SORCS3: variants seen among roughly 807,000 people sequenced by gnomAD.
SORCS3 encodes the protein VPS10 domain-containing receptor SorCS3.
SORCS3 carries 57 observed loss-of-function variants against 146.3 expected under a neutral mutation model. The observed-to-expected ratio is 0.39, with a 90% CI of 0.31 to 0.49. SORCS3 has a LOEUF of 0.49. SORCS3 is among the 20% of genes least tolerant of loss of function. The pLI is 0.92. For missense variants in SORCS3, 1,341 were observed against 1,575.5 expected, an observed-to-expected ratio of 0.85 and a Z score of 2.52; for synonymous variants, 653 against 618.5, an observed-to-expected ratio of 1.06 and a Z score of -0.83.
chr10:104,719,431 T>G (rs2133443800), intron 1 of SORCS3, among the ~76,000 whole-genome samples: 1 of 152,356 alleles, frequency 6.6e-6, no homozygotes, highest in South Asian at 2.1e-4. Context: ...GTCTTTTTAC[T>G]TCCGTATTCC....
chr10:104,830,853 C>T (rs2017992873), intron 1 of SORCS3, among the ~76,000 whole-genome samples: 1 of 152,102 alleles, frequency 6.6e-6, no homozygotes, highest in Non-Finnish European at 1.5e-5. Context: ...TCTCTGTCAC[C>T]CAGGCTGGAG....
chr10:104,684,825 T>A, intron 1 of SORCS3, among the ~76,000 whole-genome samples: 1 of 56,638 alleles, frequency 1.8e-5, no homozygotes, highest in East Asian at 6.5e-4. Flanking sequence ...TTTTTTTTTT[T>A]TTTTTTTTAT....
intron 4 of SORCS3, among the ~76,000 whole-genome samples, chr10:104,986,457 G>T (rs539957120): frequency 1.3e-5 from 2 of 152,238 alleles, no homozygotes; most frequent in South Asian, 4.2e-4. Context: ...CTTATCATTT[G>T]TGTGTTCACT....
At chr10:105,108,473 A>G (rs2055837658) in intron 7 of SORCS3, among the ~76,000 whole-genome samples, 1 of 152,202 alleles carries the variant, frequency 6.6e-6, no homozygotes, top group Non-Finnish European at 1.5e-5. Flanking sequence ...ACTAAGAAAT[A>G]AGTATTGATA....
At chr10:104,945,773 C>T in intron 3 of SORCS3, among the ~76,000 whole-genome samples, 1 of 148,986 alleles carries the variant, frequency 6.7e-6, no homozygotes, top group Non-Finnish European at 1.5e-5. Context: ...CATGCACACA[C>T]ATACACAATA....
chr10:104,651,812 A>G (rs2015564375), intron 1 of SORCS3, among the ~76,000 whole-genome samples: 2 of 152,150 alleles, frequency 1.3e-5, no homozygotes, highest in Non-Finnish European at 2.9e-5. Flanking sequence ...TCCAACCACC[A>G]GCACCAGGGA....
At chr10:104,880,874 G>A (rs1445902190) in intron 2 of SORCS3, among the ~76,000 whole-genome samples, 2 of 152,140 alleles carry the variant, frequency 1.3e-5, no homozygotes, top group African/African-American at 4.8e-5. Context: ...CACAACATGA[G>A]TCACAATGGG....
chr10:105,117,671 ACAAT>A (rs1031844765), intron 7 of SORCS3, among the ~76,000 whole-genome samples: 11 of 152,306 alleles, frequency 7.2e-5, no homozygotes, highest in African/African-American at 2.6e-4. Flanking sequence ...TGTTTCATTC[ACAAT>A]CAAATTTTTT....
chr10:104,817,640 C>T (rs577551916), intron 1 of SORCS3, among the ~76,000 whole-genome samples: 7 of 55,596 alleles, frequency 1.3e-4, no homozygotes, highest in South Asian at 1.0e-3. Context: ...TTCTCCCCTC[C>T]ACCTCCTCCT....
At chr10:104,781,951 A>G (rs4144552) in intron 1 of SORCS3, among the ~76,000 whole-genome samples, 38,549 of 152,206 alleles carry the variant, frequency 0.25, 5,531 homozygotes, top group East Asian at 0.65. Flanking sequence ...AGATGGAGTT[A>G]CGGAGCTTTA....
At chr10:105,096,779 A>G (rs2055749694) in intron 6 of SORCS3, among the ~76,000 whole-genome samples, 1 of 152,158 alleles carries the variant, frequency 6.6e-6, no homozygotes, top group Non-Finnish European at 1.5e-5. Context: ...GTGGTTATTG[A>G]GTCCTTGAAA....
intron 2 of SORCS3, among the ~76,000 whole-genome samples, chr10:104,900,581 C>G (rs1195481254): frequency 6.6e-6 from 1 of 152,122 alleles, no homozygotes; most frequent in African/African-American, 2.4e-5. Flanking sequence ...AACTTATCCC[C>G]TCTTATGCCC....
intron 7 of SORCS3, among the ~76,000 whole-genome samples, chr10:105,130,701 G>A (rs909417962): frequency 2.0e-5 from 3 of 152,106 alleles, no homozygotes; most frequent in African/African-American, 7.2e-5. Context: ...AAGATTTTAT[G>A]TGCAAATCTG....
At chr10:104,900,591 C>T (rs1043365859) in intron 2 of SORCS3, among the ~76,000 whole-genome samples, 5 of 152,010 alleles carry the variant, frequency 3.3e-5, no homozygotes, top group Admixed American at 6.6e-5. Flanking sequence ...CTCTTATGCC[C>T]GTGTAAGAAC....
intron 1 of SORCS3, among the ~76,000 whole-genome samples, chr10:104,745,144 C>G (rs754068699): frequency 6.6e-6 from 1 of 152,084 alleles, no homozygotes; most frequent in Non-Finnish European, 1.5e-5. Context: ...TGGGTCTTTG[C>G]GAGTTTGAAG....
rs762855151 is a variant in SORCS3, at chr10:105,127,114, G to T, written c.1213-12283G>T. On this transcript the variant is annotated intron_variant, in intron 7 of 26. Transcript: ENST00000369701. ...AATGAGATTTTTAAACATGATTAACGTTCAAGGAATGATCTAAATTTGGCC... is the reference window on the plus strand; with the variant it reads ...AATGAGATTTTTAAACATGATTAACTTTCAAGGAATGATCTAAATTTGGCC... Among the ~76,000 whole-genome samples the T allele has an allele frequency of 2.6e-5, 4 of 152,050 alleles. No individual in the cohort carries two copies. In the East Asian group the frequency reaches 7.7e-4, roughly 29 times the overall value.
chr10:104,737,010 A>G (rs575256808), intron 1 of SORCS3, among the ~76,000 whole-genome samples: 2 of 151,258 alleles, frequency 1.3e-5, no homozygotes, highest in South Asian at 4.2e-4. Flanking sequence ...ATTCCCATCT[A>G]TGACTGAGAA....
rs187073188 is a variant in SORCS3, at chr10:104,947,794, T to C, written c.796-29541T>C. 4.6e-5 allele frequency among the ~76,000 whole-genome samples: 7 copies of C among 152,178 alleles called. No individual in the cohort carries two copies. In the East Asian group the frequency reaches 1.4e-3, roughly 29 times the overall value. The stretch of plus-strand genomic sequence containing the variant: ...CGTGGCACCATGCCTGGCTAATTTT[T>C]GTATTTTTAGTAGAGTCAGGGTTTC... On this transcript the variant is annotated intron_variant, in intron 3 of 26. Coordinates refer to ENST00000369701, the MANE Select transcript of SORCS3 (RefSeq NM_014978.3).
At chr10:104,661,216 A>G (rs1318392474) in intron 1 of SORCS3, among the ~76,000 whole-genome samples, 1 of 151,870 alleles carries the variant, frequency 6.6e-6, no homozygotes, top group East Asian at 1.9e-4. Flanking sequence ...GTCTCTAACC[A>G]TTTTCTCTTC....
Sources: allele counts gnomAD v4.1 joint callset (sites outside exome capture counted in the v4.1 genomes callset), GRCh38; gene constraint gnomAD v4.1.1; transcripts MANE v1.5; gene names NCBI Gene and HGNC (gene_info 2026-07-23, HGNC 2026-07-21).